The following TIGAR variants were observed in gnomAD, a reference collection of about 807,000 sequenced individuals.
TIGAR encodes TP53 induced glycolysis regulatory phosphatase, also known as fructose-2,6-bisphosphatase TIGAR.
A neutral mutation model predicts 17.9 loss-of-function variants in TIGAR; 7 were observed. The ratio of observed to expected loss-of-function variants is 0.39; its 90% CI spans 0.22 to 0.73. TIGAR has a LOEUF of 0.73. Among genes scored for constraint, TIGAR ranks in the 30% least tolerant of loss-of-function variants. The pLI is 0.42. For synonymous variants in TIGAR, 94 were observed against 108.6 expected (o/e 0.87, Z 0.84); for missense variants, 258 against 327.4 (o/e 0.79, Z 1.64).
chr12:4,354,707 C>G lies in TIGAR; in HGVS notation c.*2016C>G, dbSNP rs1269042589. 1.3e-5 allele frequency: 2 copies of G among 149,972 alleles called. No homozygotes were observed. The highest frequency in any genetic ancestry group is 3.0e-5 in the Non-Finnish European group (2 of 67,506). 9.3% of individuals were successfully genotyped at this position (149,972 alleles called of 1,614,324 possible). ...TTATTAGTGGGCATTTAGGTATATT[C>G]AGTTTTTATTTTCTTTGCTTTTTTT... On this transcript the variant is annotated 3_prime_UTR_variant, in exon 6 of 6. Transcript: ENST00000179259.
At position 4,352,339 on chromosome 12, in the gene TIGAR, C is replaced by T; in HGVS notation, c.461C>T (p.Ser154Phe). The T allele has an allele frequency of 6.2e-7, 1 of 1,614,050 alleles. No homozygotes were observed. The highest frequency in any genetic ancestry group is 8.5e-7 in the Non-Finnish European group (1 of 1,179,968). ...GAAGCGGATCAAAAAGAACAGTTTT[C>T]CCAAGGATCTCCAAGCAACTGTCTG... is the stretch of plus-strand genomic sequence containing the variant. ...LKEADQKEQF[S>F]QGSPSNCLET... Residue 154 changes from serine to phenylalanine, a missense_variant, in exon 6 of 6, where the codon TCC becomes TTC. Coordinates refer to ENST00000179259, the MANE Select transcript of TIGAR (RefSeq NM_020375.3).
At chr12:4,339,934 G>A (rs1014684407) in intron 3 of TIGAR, among the ~76,000 whole-genome samples, 14 of 152,116 alleles carry the variant, frequency 9.2e-5, no homozygotes, top group African/African-American at 1.9e-4. Context: ...AATAAAAGCC[G>A]TATGCAATAG....
At chr12:4,347,090 T>C (rs957735954) in intron 3 of TIGAR, among the ~76,000 whole-genome samples, 1 of 152,234 alleles carries the variant, frequency 6.6e-6, no homozygotes, top group Admixed American at 6.5e-5. Flanking sequence ...ATTGAAGAGA[T>C]ATCTGCACTC....
intron 1 of TIGAR, among the ~76,000 whole-genome samples, chr12:4,325,227 C>A (rs949399082): frequency 2.0e-5 from 3 of 151,726 alleles, no homozygotes; most frequent in African/African-American, 7.3e-5. Context: ...CAGGCGTGAG[C>A]CACCCCACCT....
chr12:4,337,365 C>T (rs1864671448), intron 3 of TIGAR, among the ~76,000 whole-genome samples: 1 of 152,118 alleles, frequency 6.6e-6, no homozygotes, highest in Non-Finnish European at 1.5e-5. Flanking sequence ...GGGGTTTTGC[C>T]ATGTTGCTGG....
chr12:4,342,080 G>A lies in TIGAR; in HGVS notation c.192+4920G>A, dbSNP rs1443243292. Among the ~76,000 whole-genome samples the A allele has an allele frequency of 3.3e-5, 5 of 152,340 alleles. No individual in the cohort carries two copies. In the East Asian group the frequency reaches 7.7e-4, roughly 23 times the overall value. ...CTGAAAACCATGGCATGAGAACTAC[G>A]TGATGAATGCACAAGCTTCAGTAGC... is the stretch of plus-strand genomic sequence containing the variant. On this transcript the variant is annotated intron_variant, in intron 3 of 5. Coordinates refer to ENST00000179259, the MANE Select transcript of TIGAR (RefSeq NM_020375.3).
At chr12:4,349,255 A>G (rs1161247962) in intron 3 of TIGAR, among the ~76,000 whole-genome samples, 3 of 152,230 alleles carry the variant, frequency 2.0e-5, no homozygotes, top group Middle Eastern at 6.3e-3. Context: ...GCTGTGTCCC[A>G]GTAAAATACT....
intron 1 of TIGAR, among the ~76,000 whole-genome samples, chr12:4,330,242 C>T (rs992225759): frequency 2.0e-5 from 3 of 151,974 alleles, no homozygotes; most frequent in South Asian, 2.1e-4. Context: ...AACAATGGAG[C>T]GATCATTTTC....
chr12:4,339,598 A>G (rs61909231), intron 3 of TIGAR, among the ~76,000 whole-genome samples: 3,312 of 152,340 alleles, frequency 0.022, 69 homozygotes, highest in Non-Finnish European at 0.036. Context: ...TTAAAAGAAG[A>G]AAACTACAGG....
At chr12:4,337,232 T>A (rs1864669937) in intron 3 of TIGAR, 72 bp downstream of exon 3, 1 of 1,179,460 alleles carries the variant, frequency 8.5e-7, no homozygotes, top group African/African-American at 1.5e-5. Context: ...AGTGGTGCAG[T>A]CTCTGTTCAC....
intron 1 of TIGAR, among the ~76,000 whole-genome samples, chr12:4,327,137 A>G (rs1483030596): frequency 1.3e-5 from 2 of 152,168 alleles, no homozygotes; most frequent in African/African-American, 4.8e-5. Context: ...GGCCAGGCGC[A>G]GTAGCTCGCA....
chr12:4,335,285 C>A (rs192691185), intron 2 of TIGAR, among the ~76,000 whole-genome samples: 1 of 152,138 alleles, frequency 6.6e-6, no homozygotes, highest in Non-Finnish European at 1.5e-5. Flanking sequence ...GATCCACCCC[C>A]TTCAGCCTCC....
In TIGAR at chr12:4,346,933, T is replaced by G. The variant is rs1370709341; in HGVS notation, c.193-2886T>G. Among the ~76,000 whole-genome samples the G allele has an allele frequency of 1.3e-5, 2 of 152,032 alleles. 1 individual carries two copies. Among genetic ancestry groups the G allele is most frequent in the South Asian group, 4.2e-4 (2 of 4,806 alleles). The stretch of plus-strand genomic sequence containing the variant: ...CAAGGCCATGGAGGAAAGGGAACAC[T>G]TGTATGCTGTTGGTGGGAATGTGAA... On this transcript the variant is annotated intron_variant, in intron 3 of 5. Coordinates refer to ENST00000179259, the MANE Select transcript of TIGAR (RefSeq NM_020375.3).
At chr12:4,331,750 G>A (rs1864605704) in intron 2 of TIGAR, among the ~76,000 whole-genome samples, 4 of 152,176 alleles carry the variant, frequency 2.6e-5, no homozygotes, top group Admixed American at 2.0e-4. Context: ...ATTTTCACAT[G>A]TGGTCGTTAC....
At position 4,354,157 on chromosome 12, in the gene TIGAR, T is replaced by G. The variant is rs892499017; in HGVS notation, c.*1466T>G. The G allele has an allele frequency of 6.6e-5, 10 of 152,380 alleles. No homozygotes were observed. Among genetic ancestry groups the G allele is most frequent in the African/African-American group, 2.4e-4 (10 of 41,450 alleles). The allele number at this position is 152,380 out of a possible 1,614,324, so 9.4% of individuals were successfully genotyped here. On this transcript the variant is annotated 3_prime_UTR_variant, in exon 6 of 6. Transcript: ENST00000179259. Reference sequence around the variant, plus strand: ...AGTCACATATAGTCAAAATTTACTTTGACATCATTTTAAATCATATGTAAA... The same window carrying G: ...AGTCACATATAGTCAAAATTTACTTGGACATCATTTTAAATCATATGTAAA...
chr12:4,345,206 G>T (rs1421934429), intron 3 of TIGAR, among the ~76,000 whole-genome samples: 1 of 152,182 alleles, frequency 6.6e-6, no homozygotes, highest in East Asian at 1.9e-4. Flanking sequence ...TAGATTCAAT[G>T]CCATCCCCTT....
chr12:4,329,323 ATGATCTTTTTT>A (rs1389412391), intron 1 of TIGAR, among the ~76,000 whole-genome samples: 1 of 137,380 alleles, frequency 7.3e-6, no homozygotes, highest in African/African-American at 2.7e-5. Context: ...ACTGTAGCTA[ATGATCTTTTTT>A]TTTTTTTTTT....
chr12:4,343,748 A>G lies in TIGAR; in HGVS notation c.193-6071A>G, dbSNP rs184027819. On this transcript the variant is annotated intron_variant, in intron 3 of 5. Coordinates refer to ENST00000179259, the MANE Select transcript of TIGAR (RefSeq NM_020375.3). ...TAAAGCAGTGTGTAGAGGGAAATTT[A>G]TAGCACTAAATGCTCACAGGAGAAA... Among the ~76,000 whole-genome samples the G allele has an allele frequency of 1.6e-3, 241 of 152,358 alleles. 1 individual carries two copies. Among genetic ancestry groups the G allele is most frequent in the Admixed American group, 6.1e-3 (94 of 15,304 alleles).
intron 3 of TIGAR, among the ~76,000 whole-genome samples, chr12:4,340,997 A>G (rs1250522622): frequency 6.6e-6 from 1 of 152,224 alleles, no homozygotes; most frequent in Admixed American, 6.5e-5. Flanking sequence ...TTCTTGAGCA[A>G]TAACCTGCAA....
Sources: allele counts gnomAD v4.1 joint callset (sites outside exome capture counted in the v4.1 genomes callset), GRCh38; gene constraint gnomAD v4.1.1; transcripts MANE v1.5; gene names NCBI Gene and HGNC (gene_info 2026-07-23, HGNC 2026-07-21).